STAU2: variants seen among roughly 807,000 people sequenced by gnomAD.
STAU2 encodes the protein staufen double-stranded RNA binding protein 2, also known as double-stranded RNA-binding protein Staufen homolog 2.
A neutral mutation model predicts 65.9 loss-of-function variants in STAU2; 20 were observed. The observed-to-expected ratio is 0.30, with a 90% CI of 0.21 to 0.44. The LOEUF (loss-of-function observed/expected upper bound fraction) is 0.44. Among genes scored for constraint, STAU2 ranks in the 20% least tolerant of loss-of-function variants. The pLI is 1.00. For missense variants in STAU2, 558 were observed against 683.9 expected, an observed-to-expected ratio of 0.82 and a Z score of 2.05; for synonymous variants, 232 against 233.9, an observed-to-expected ratio of 0.99 and a Z score of 0.07.
intron 8 of STAU2, among the ~76,000 whole-genome samples, chr8:73,614,652 C>A (rs1385356125): frequency 6.6e-6 from 1 of 152,056 alleles, no homozygotes; most frequent in Non-Finnish European, 1.5e-5. Flanking sequence ...CACATTAGAT[C>A]ATCATTATAA....
At chr8:73,695,479 G>A (rs1174770499) in intron 4 of STAU2, among the ~76,000 whole-genome samples, 1 of 152,104 alleles carries the variant, frequency 6.6e-6, no homozygotes, top group East Asian at 1.9e-4. Flanking sequence ...GGAGTATGCA[G>A]TGGGCCCTGG....
intron 6 of STAU2, among the ~76,000 whole-genome samples, chr8:73,646,936 C>CCG (rs1181813800): frequency 9.9e-6 from 1 of 101,086 alleles, no homozygotes; most frequent in Non-Finnish European, 2.0e-5. Context: ...GACACACAGC[C>CCG]AGACACACAC....
chr8:73,647,642 G>C (rs577913526), intron 6 of STAU2, among the ~76,000 whole-genome samples: 7 of 151,046 alleles, frequency 4.6e-5, no homozygotes, highest in African/African-American at 1.2e-4. Flanking sequence ...GCAGTGGTGT[G>C]ATCATGGCTC....
intron 13 of STAU2, among the ~76,000 whole-genome samples, chr8:73,453,510 A>G (rs1078649): frequency 0.75 from 114,200 of 152,112 alleles, 43,469 homozygotes; most frequent in East Asian, 0.96. Flanking sequence ...AAATAGATTC[A>G]GCAAACACAC....
At chr8:73,563,197 C>T (rs547546384) in intron 12 of STAU2, among the ~76,000 whole-genome samples, 2 of 152,144 alleles carry the variant, frequency 1.3e-5, no homozygotes, top group Non-Finnish European at 2.9e-5. Flanking sequence ...CCCAACTTCC[C>T]TGATGTGGTA....
At chr8:73,632,151 C>T (rs1035666556) in intron 6 of STAU2, among the ~76,000 whole-genome samples, 5 of 151,254 alleles carry the variant, frequency 3.3e-5, no homozygotes, top group South Asian at 4.2e-4. Context: ...GAAATATAGA[C>T]GATTGAAAGC....
chr8:73,602,941 AAG>A (rs1811747598), intron 10 of STAU2, among the ~76,000 whole-genome samples: 1 of 152,056 alleles, frequency 6.6e-6, no homozygotes, highest in South Asian at 2.1e-4. Context: ...GAAAGGAAGA[AAG>A]AGAGGGAGAA....
At chr8:73,626,970 T>C (rs923703621) in intron 6 of STAU2, among the ~76,000 whole-genome samples, 7 of 151,666 alleles carry the variant, frequency 4.6e-5, no homozygotes, top group African/African-American at 1.5e-4. Context: ...GGTCAGACAG[T>C]GTGTGGCAGA....
rs1806307956 is a variant in STAU2 at position 73,538,205 on chromosome 8, TAG to T, written c.1530+13805_1530+13806del. ...CAAAATTTGAATAAAATCTGTACATTAGTTAAGAGTTTTATATCATTTTAAAT... is the reference window on the plus strand; with the variant it reads ...CAAAATTTGAATAAAATCTGTACATTTTAAGAGTTTTATATCATTTTAAAT... On this transcript the variant is annotated intron_variant, in intron 13 of 14. Transcript: ENST00000524300. Among the ~76,000 whole-genome samples, 6 of 152,308 alleles carry T rather than the reference TAG, an allele frequency of 3.9e-5. No individual in the cohort carries two copies. The South Asian group carries it at 1.2e-3, about 32-fold the overall frequency.
At chr8:73,434,098 T>G (rs892241405) in intron 13 of STAU2, among the ~76,000 whole-genome samples, 7 of 151,734 alleles carry the variant, frequency 4.6e-5, no homozygotes, top group African/African-American at 1.7e-4. Flanking sequence ...GTGCTTAAAG[T>G]CAGAGAACAT....
At chr8:73,732,862 A>G (rs1047467010) in intron 3 of STAU2, 3 of 152,082 alleles carry the variant, frequency 2.0e-5, no homozygotes, top group African/African-American at 7.2e-5. Flanking sequence ...GCCAACAGCA[A>G]TATTAATAGT....
At chr8:73,477,020 C>A (rs1820357098) in intron 13 of STAU2, among the ~76,000 whole-genome samples, 1 of 152,184 alleles carries the variant, frequency 6.6e-6, no homozygotes, top group Non-Finnish European at 1.5e-5. Flanking sequence ...AACTGGAGCT[C>A]AAATGAGATA....
chr8:73,430,703 T>G (rs1817204488), intron 13 of STAU2, among the ~76,000 whole-genome samples: 1 of 152,212 alleles, frequency 6.6e-6, no homozygotes, highest in South Asian at 2.1e-4. Flanking sequence ...ACAAAAATGT[T>G]TTACTACATA....
At chr8:73,537,819 A>C (rs1173250595) in intron 13 of STAU2, among the ~76,000 whole-genome samples, 1 of 152,208 alleles carries the variant, frequency 6.6e-6, no homozygotes, top group Admixed American at 6.5e-5. Flanking sequence ...GAAGTTTCTA[A>C]ATTATATTTG....
chr8:73,458,069 G>A lies in STAU2; in HGVS notation c.1531-35367C>T, dbSNP rs536383700. On this transcript the variant is annotated intron_variant, in intron 13 of 14. Coordinates refer to ENST00000524300, the MANE Select transcript of STAU2 (RefSeq NM_001164380.2). ...TACTAAGGCACACTAACACCAACCT[G>A]CTGAATATCACTCCCATTAAAATCT... 2.6e-4 allele frequency among the ~76,000 whole-genome samples: 39 copies of A among 152,312 alleles called. No individual in the cohort carries two copies. In the South Asian group the frequency reaches 3.5e-3, roughly 14 times the overall value.
At chr8:73,595,040 T>C (rs997799465) in intron 11 of STAU2, 126 bp downstream of exon 11, 10 of 667,294 alleles carry the variant, frequency 1.5e-5, no homozygotes, top group Non-Finnish European at 2.4e-5. Context: ...GCTTGGATCA[T>C]CTATCTTTGT....
At chr8:73,479,472 GCACACACACA>G in intron 13 of STAU2, among the ~76,000 whole-genome samples, 1 of 139,952 alleles carries the variant, frequency 7.1e-6, no homozygotes, top group South Asian at 2.5e-4. Flanking sequence ...TCCCTATTCT[GCACACACACA>G]CACACACACA....
intron 6 of STAU2, among the ~76,000 whole-genome samples, chr8:73,652,029 T>A (rs1483462009): frequency 6.6e-6 from 1 of 152,140 alleles, no homozygotes; most frequent in Non-Finnish European, 1.5e-5. Flanking sequence ...AACGCAGAAG[T>A]GGGCTTGTTA....
chr8:73,694,565 T>C (rs541669263), intron 4 of STAU2, among the ~76,000 whole-genome samples: 2 of 152,210 alleles, frequency 1.3e-5, no homozygotes, highest in African/African-American at 4.8e-5. Context: ...CAAAAGCCTA[T>C]ATATCATTCA....
Sources: allele counts gnomAD v4.1 joint callset (sites outside exome capture counted in the v4.1 genomes callset), GRCh38; gene constraint gnomAD v4.1.1; transcripts MANE v1.5; gene names NCBI Gene and HGNC (gene_info 2026-07-23, HGNC 2026-07-21).